The following GLT1D1 variants were observed in gnomAD, a reference collection of about 807,000 sequenced individuals.
GLT1D1 encodes glycosyltransferase 1 domain-containing protein 1.
Under a neutral mutation model 28.7 loss-of-function variants are expected in GLT1D1, and 21 were observed. That is an observed-to-expected ratio of 0.73 (90% CI 0.52 to 1.05). The LOEUF (loss-of-function observed/expected upper bound fraction) is 1.05, where lower values mean the gene tolerates loss of function less well. Among genes scored for constraint, GLT1D1 ranks in the 50% least tolerant of loss-of-function variants. The pLI, the probability that GLT1D1 is intolerant of heterozygous loss-of-function variation, is 0.00. For synonymous variants in GLT1D1, 147 were observed against 124.8 expected (o/e 1.18, Z -1.19); for missense variants, 343 against 330.6 (o/e 1.04, Z -0.29).
At chr12:128,868,048 T>C (rs1235717787) in intron 1 of GLT1D1, among the ~76,000 whole-genome samples, 2 of 152,218 alleles carry the variant, frequency 1.3e-5, no homozygotes, top group African/African-American at 4.8e-5. Context: ...CTAAATTGTC[T>C]TGGACAATAA....
rs529784672 is a variant in GLT1D1, at chr12:128,878,323, A to G, written c.217+2261A>G. Among the ~76,000 whole-genome samples the G allele has an allele frequency of 1.2e-3, 190 of 152,358 alleles. 3 individuals are homozygous for G. The South Asian group carries it at 0.039, about 31-fold the overall frequency. The stretch of plus-strand genomic sequence containing the variant: ...TGGGAACTTTCTCCCATAGTGGCAC[A>G]TACATAGATCTGTCTCATCCATTGT... On this transcript the variant is annotated intron_variant, in intron 2 of 7. Coordinates refer to ENST00000281703, the MANE Select transcript of GLT1D1 (RefSeq NM_144669.3).
chr12:128,895,389 A>G (rs1447251020), intron 3 of GLT1D1, among the ~76,000 whole-genome samples: 1 of 151,924 alleles, frequency 6.6e-6, no homozygotes, highest in Non-Finnish European at 1.5e-5. Flanking sequence ...GAATGGAGGT[A>G]TGAAGTAGGT....
At chr12:128,945,405 G>T in intron 5 of GLT1D1, 36 bp downstream of exon 9, 1 of 1,580,784 alleles carries the variant, frequency 6.3e-7, no homozygotes, top group East Asian at 2.2e-5. Context: ...TTTGCAGAAC[G>T]GGAAGCCTGA....
At position 128,905,782 on chromosome 12, in the gene GLT1D1, T is replaced by C. The variant is rs979538043; in HGVS notation, c.375+6495T>C. Among the ~76,000 whole-genome samples the C allele has an allele frequency of 1.4e-4, 21 of 152,122 alleles. 1 individual carries two copies. Among genetic ancestry groups the C allele is most frequent in the Admixed American group, 1.3e-4 (2 of 15,264 alleles). On this transcript the variant is annotated intron_variant, in intron 4 of 7. Transcript: ENST00000281703. Reference sequence around the variant, plus strand: ...GATCAACGTAGGTTATGTTTTGGGATGGCATTACTATGTTGGTTTGTGATA... The same window carrying C: ...GATCAACGTAGGTTATGTTTTGGGACGGCATTACTATGTTGGTTTGTGATA...
At chr12:128,977,854 C>T (rs910490573) in intron 7 of GLT1D1, among the ~76,000 whole-genome samples, 1 of 150,880 alleles carries the variant, frequency 6.6e-6, no homozygotes, top group Non-Finnish European at 1.5e-5. Context: ...GCTATCTCAG[C>T]TCACTGCAAC....
At chr12:128,964,420 C>T (rs1031187200) in intron 7 of GLT1D1, among the ~76,000 whole-genome samples, 6 of 152,162 alleles carry the variant, frequency 3.9e-5, no homozygotes, top group Admixed American at 6.5e-5. Flanking sequence ...ATCCTCATGA[C>T]CCAGTCACCT....
rs545138987 is a variant in GLT1D1, at chr12:128,938,843, A to AT, written c.376-6476dup. 2.6e-5 allele frequency among the ~76,000 whole-genome samples: 4 copies of AT among 152,180 alleles called. No individual in the cohort carries two copies. In the South Asian group the frequency reaches 8.3e-4, roughly 32 times the overall value. ...GTGTTACACTTGCATATATTTAGGA[A>AT]TTTTTTTCAGTATTTTAAAATTCTA... On this transcript the variant is annotated intron_variant, in intron 4 of 7. Transcript: ENST00000281703.
Position 128,882,190 on chromosome 12 carries a change from T to C in GLT1D1, c.217+6128T>C, listed in dbSNP as rs556049419. Among the ~76,000 whole-genome samples, 16 of 151,960 alleles carry C rather than the reference T, an allele frequency of 1.1e-4. No individual in the cohort carries two copies. The East Asian group carries it at 2.7e-3, about 26-fold the overall frequency. On this transcript the variant is annotated intron_variant, in intron 2 of 7. Coordinates refer to ENST00000281703, the MANE Select transcript of GLT1D1 (RefSeq NM_144669.3). ...TTGCTGAGAAAATAATTATATAAAA[T>C]AGCTAAGTAGAATATGCAAATAATG...
chr12:128,888,666 T>G lies in GLT1D1; in HGVS notation c.245T>G (p.Phe82Cys), dbSNP rs1035567596. 1.9e-6 allele frequency: 3 copies of G among 1,613,652 alleles called. No individual in the cohort carries two copies. The African/African-American group carries it at 4.0e-5, about 22-fold the overall frequency. ...CACCGAATCCCTTTTGGAGTCATCTTTGGTGGAACTGATGTAAATGAAGAT... is the reference window on the plus strand; with the variant it reads ...CACCGAATCCCTTTTGGAGTCATCTGTGGTGGAACTGATGTAAATGAAGAT... The change falls in exon 3 of 8, where the codon TTT becomes TGT. Residue 82 changes from phenylalanine to cysteine, a missense_variant. Coordinates refer to ENST00000281703, the MANE Select transcript of GLT1D1 (RefSeq NM_144669.3).
intron 1 of GLT1D1, among the ~76,000 whole-genome samples, chr12:128,867,644 GGC>G (rs1438105775): frequency 6.6e-6 from 1 of 152,172 alleles, no homozygotes; most frequent in Non-Finnish European, 1.5e-5. Context: ...TCCCCCAGCA[GGC>G]GCCAGTGCCT....
intron 7 of GLT1D1, among the ~76,000 whole-genome samples, chr12:128,972,203 G>A (rs1469767770): frequency 6.6e-6 from 1 of 152,208 alleles, no homozygotes; most frequent in East Asian, 1.9e-4. Flanking sequence ...GCAGCATTGG[G>A]AGACATTATT....
At chr12:128,867,996 T>C (rs1956590326) in intron 1 of GLT1D1, among the ~76,000 whole-genome samples, 1 of 152,196 alleles carries the variant, frequency 6.6e-6, no homozygotes, top group African/African-American at 2.4e-5. Flanking sequence ...TCTTCAGCCT[T>C]GAGTAATTGA....
At chr12:128,945,105 CT>C in intron 4 of GLT1D1, 1 of 705,394 alleles carries the variant, frequency 1.4e-6, no homozygotes, top group Non-Finnish European at 2.6e-6. Context: ...TGGAAAGGTG[CT>C]TTAGCTCGAA....
Position 128,958,782 on chromosome 12 carries a change from G to A in GLT1D1, c.639+1139G>A, listed in dbSNP as rs377111173. Among the ~76,000 whole-genome samples the A allele has an allele frequency of 2.6e-3, 358 of 140,108 alleles. 6 individuals are homozygous for A. The highest frequency in any genetic ancestry group is 9.2e-3 in the African/African-American group (346 of 37,586). 91.9% of individuals were successfully genotyped at this position (140,108 alleles called of 152,430 possible). A position where few individuals can be genotyped will look rare whatever the true frequency, so the allele number is the denominator to read the frequency against. On this transcript the variant is annotated intron_variant, in intron 7 of 7. Transcript: ENST00000281703. ...AAAAAAAAAAAAAAAAAAAAAGGAA[G>A]GCATTGTCACTACGTATGCCTCTTG...
chr12:128,944,927 C>A (rs967756761), intron 4 of GLT1D1: 24 of 510,018 alleles, frequency 4.7e-5, no homozygotes, highest in Middle Eastern at 1.1e-3. Flanking sequence ...AGGTATTTCT[C>A]GTAACGCTAT....
intron 2 of GLT1D1, among the ~76,000 whole-genome samples, chr12:128,879,588 T>G (rs1048487588): frequency 6.6e-6 from 1 of 152,014 alleles, no homozygotes; most frequent in South Asian, 2.1e-4. Flanking sequence ...CCAGAATAGC[T>G]GGGATTAACA....
intron 7 of GLT1D1, among the ~76,000 whole-genome samples, chr12:128,980,529 T>C (rs559726414): frequency 6.6e-6 from 1 of 152,300 alleles, no homozygotes; most frequent in East Asian, 1.9e-4. Flanking sequence ...CTTCTGCTGA[T>C]CTGGTGAGTG....
intron 7 of GLT1D1, among the ~76,000 whole-genome samples, chr12:128,969,338 C>A (rs1251245439): frequency 2.0e-5 from 3 of 152,080 alleles, no homozygotes; most frequent in African/African-American, 4.8e-5. Context: ...TACACCTAAC[C>A]CTTTTCTAAA....
At chr12:128,977,770 T>C (rs905980152) in intron 7 of GLT1D1, among the ~76,000 whole-genome samples, 1 of 23,104 alleles carries the variant, frequency 4.3e-5, no homozygotes, top group African/African-American at 1.5e-4. Context: ...CTTTTCTTTT[T>C]TCTTTTTTCT....
Sources: gnomAD v4.1 joint callset for allele counts (sites outside exome capture counted in the v4.1 genomes callset) on GRCh38, gnomAD v4.1.1 for gene constraint, MANE v1.5 for transcripts, NCBI Gene and HGNC (gene_info 2026-07-23, HGNC 2026-07-21) for gene names.